LRRC4B: variants seen among roughly 807,000 people sequenced by gnomAD.
LRRC4B encodes the protein leucine rich repeat containing 4B.
In LRRC4B, 1 loss-of-function variant was observed where a neutral mutation model predicts 7.3. That is an observed-to-expected ratio of 0.14 (90% CI 0.05 to 0.65). LRRC4B has a LOEUF of 0.65. Ranked by LOEUF, LRRC4B falls within the 30% of genes least tolerant of loss-of-function variation. The pLI is 0.84. For missense variants in LRRC4B, 730 were observed against 1,041.6 expected (o/e 0.70, Z 4.12); for synonymous variants, 500 against 499.2 (o/e 1.00, Z -0.02).
Position 50,537,918 on chromosome 19 carries a change from C to T in LRRC4B, c.297+10624G>A, listed in dbSNP as rs1981359548. Among the ~76,000 whole-genome samples the T allele has an allele frequency of 2.0e-5, 3 of 152,160 alleles. No homozygotes were observed. The highest frequency in any genetic ancestry group is 1.3e-4 in the Admixed American group (2 of 15,274). ...CAGCCCGGGAACGGACGGCAGAGGG[C>T]GCACTGCTCCCTCCTATCCAGAGGA... is the stretch of plus-strand genomic sequence containing the variant. On this transcript the variant is annotated intron_variant, in intron 2 of 2. Transcript: ENST00000652263. This position sits in a 1 kb window ranked among gnomAD's most constrained non-coding sequence, Gnocchi z 5.5.
At chr19:50,567,336 G>A (rs1306102673) in intron 1 of LRRC4B, among the ~76,000 whole-genome samples, 1 of 151,758 alleles carries the variant, frequency 6.6e-6, no homozygotes, top group Non-Finnish European at 1.5e-5. Context: ...AGGGAGAAGG[G>A]CTGAAGACTG....
intron 1 of LRRC4B, chr19:50,557,509 C>T (rs1982317117): frequency 6.6e-6 from 1 of 152,232 alleles, no homozygotes; most frequent in Non-Finnish European, 1.5e-5. Flanking sequence ...GGGCCTGGCA[C>T]ACAGCAAGTG....
At position 50,548,956 on chromosome 19, in the gene LRRC4B, GC is replaced by G; in HGVS notation, c.-35-84del. The G allele has an allele frequency of 2.7e-6, 2 of 728,874 alleles. No individual in the cohort carries two copies. The highest frequency in any genetic ancestry group is 2.8e-5 in the East Asian group (1 of 35,538). 45.2% of individuals were successfully genotyped at this position (728,874 alleles called of 1,614,324 possible). A position where few individuals can be genotyped will look rare whatever the true frequency, so the allele number is the denominator to read the frequency against. On this transcript the variant is annotated intron_variant, in intron 1 of 2. Coordinates refer to ENST00000652263, the MANE Select transcript of LRRC4B (RefSeq NM_001080457.2). The surrounding 1 kb of genome is among the most constrained non-coding windows in gnomAD (Gnocchi z 6.8). ...CTGGGTGCTTGCCAACACCCAGGCA[GC>G]CCCATCGCCGCCTCCCTGCCCCATG...
At chr19:50,554,497 G>A (rs1912107102) in intron 1 of LRRC4B, among the ~76,000 whole-genome samples, 1 of 152,126 alleles carries the variant, frequency 6.6e-6, no homozygotes, top group Admixed American at 6.5e-5. Flanking sequence ...TACCACCTGC[G>A]TGAGCTACAC....
chr19:50,530,502 G>A (rs963131395), intron 2 of LRRC4B, among the ~76,000 whole-genome samples: 7 of 152,138 alleles, frequency 4.6e-5, no homozygotes, highest in Admixed American at 4.6e-4. Context: ...CTTGAACCCA[G>A]CCCAAAGGTC....
intron 2 of LRRC4B, among the ~76,000 whole-genome samples, chr19:50,545,624 G>A (rs976410177): frequency 2.0e-5 from 3 of 151,584 alleles, no homozygotes; most frequent in Non-Finnish European, 4.4e-5. Context: ...GAGCCAGGAA[G>A]GCATTAGAAC....
rs929138075 is a variant in LRRC4B at position 50,556,797 on chromosome 19, C to A, written c.-35-7924G>T. On this transcript the variant is annotated intron_variant, in intron 1 of 2. Transcript: ENST00000652263. This position sits in a 1 kb window ranked among gnomAD's most constrained non-coding sequence, Gnocchi z 4.2. ...CTCTGCTGGCACCCGAGGCAAGGAGCCCTGGGTCTCTAGGGAGGCAAGTGT... is the reference window on the plus strand; with the variant it reads ...CTCTGCTGGCACCCGAGGCAAGGAGACCTGGGTCTCTAGGGAGGCAAGTGT... Among the ~76,000 whole-genome samples, 2 of 152,124 alleles carry A rather than the reference C, an allele frequency of 1.3e-5. No homozygotes were observed. Among genetic ancestry groups the A allele is most frequent in the African/African-American group, 4.8e-5 (2 of 41,428 alleles).
rs936580936 is a variant in LRRC4B, at chr19:50,518,375, G to C, written c.1338C>G (p.Thr446=). ...CMVTNSAGNT[T]ASATLNVSAV... is the part of the protein sequence containing the mutation. ...CCGAGACGTTGAGCGTGGCCGAGGC[G>C]GTGGTGTTGCCGGCTGAGTTCGTCA... is the stretch of plus-strand genomic sequence containing the variant. The change falls in exon 3 of 3, where the codon ACC becomes ACG. Residue 446 remains threonine, a synonymous_variant. Coordinates refer to ENST00000652263, the MANE Select transcript of LRRC4B (RefSeq NM_001080457.2). 1 of 1,594,640 alleles carries C rather than the reference G, an allele frequency of 6.3e-7. No homozygotes were observed. Among genetic ancestry groups the C allele is most frequent in the Non-Finnish European group, 8.5e-7 (1 of 1,172,546 alleles).
At chr19:50,525,059 C>T (rs552777283) in intron 2 of LRRC4B, among the ~76,000 whole-genome samples, 31 of 152,256 alleles carry the variant, frequency 2.0e-4, no homozygotes, top group Non-Finnish European at 2.9e-4. Flanking sequence ...GCTCGGCCAC[C>T]TCACACCCAC....
In LRRC4B at chr19:50,518,517, G is replaced by C; in HGVS notation, c.1196C>G (p.Pro399Arg). Residue 399 changes from proline (P) to arginine (R), a missense_variant, in exon 3 of 3, where the codon CCC becomes CGC. Physicochemically the swap from Pro to Arg is moderately radical, Grantham distance 103. Transcript: ENST00000652263. ...TSMTSVNWLT[P>R]NGTLMTHGSY... The stretch of plus-strand genomic sequence containing the variant: ...GCCGTGGGTCATGAGGGTGCCGTTG[G>C]GCGTCAGCCAGTTGACGGAGGTCAT... The C allele has an allele frequency of 6.4e-7, 1 of 1,569,484 alleles. No individual in the cohort carries two copies. The highest frequency in any genetic ancestry group is 8.7e-7 in the Non-Finnish European group (1 of 1,155,688).
At chr19:50,561,968 A>AATAC (rs55885669) in intron 1 of LRRC4B, among the ~76,000 whole-genome samples, 1 of 125,186 alleles carries the variant, frequency 8.0e-6, no homozygotes, top group Non-Finnish European at 1.9e-5. Context: ...TAAATAAATA[A>AATAC]GCCAGGTGTA....
At chr19:50,542,099 C>T (rs1184479213) in intron 2 of LRRC4B, among the ~76,000 whole-genome samples, 1 of 152,178 alleles carries the variant, frequency 6.6e-6, no homozygotes, top group African/African-American at 2.4e-5. Flanking sequence ...CAAGAACACA[C>T]ACAAGCAAAA....
intron 2 of LRRC4B, among the ~76,000 whole-genome samples, chr19:50,528,686 G>C (rs796207450): frequency 3.5e-4 from 53 of 152,282 alleles, no homozygotes; most frequent in African/African-American, 1.3e-3. Flanking sequence ...TAACTTCCCA[G>C]AGTGAACATG....
chr19:50,556,279 A>AGT lies in LRRC4B; in HGVS notation c.-35-7408_-35-7407dup, dbSNP rs1408571526. On this transcript the variant is annotated intron_variant, in intron 1 of 2. Coordinates refer to ENST00000652263, the MANE Select transcript of LRRC4B (RefSeq NM_001080457.2). The surrounding 1 kb of genome is among the most constrained non-coding windows in gnomAD (Gnocchi z 4.2). ...TGCAGTCGGGGTGGGGGTGAGGTGCAGTGGGTGGGGGTGAGGTGGTGACTT... is the reference window on the plus strand; with the variant it reads ...TGCAGTCGGGGTGGGGGTGAGGTGCAGTGTGGGTGGGGGTGAGGTGGTGACTT... 1.9e-5 allele frequency among the ~76,000 whole-genome samples: 2 copies of AGT among 106,054 alleles called. No individual in the cohort carries two copies. Among genetic ancestry groups the AGT allele is most frequent in the Non-Finnish European group, 3.9e-5 (2 of 50,688 alleles). The allele number at this position is 106,054 out of a possible 152,430, so 69.6% of individuals were successfully genotyped here.
chr19:50,540,099 T>C (rs1040705780), intron 2 of LRRC4B, among the ~76,000 whole-genome samples: 1 of 152,156 alleles, frequency 6.6e-6, no homozygotes, highest in African/African-American at 2.4e-5. Flanking sequence ...AAGCTCAGTA[T>C]TACGTTTTGA....
At position 50,518,999 on chromosome 19, in the gene LRRC4B, G is replaced by A; in HGVS notation, c.714C>T (p.Gly238=). The part of the protein sequence containing the change: ...LVRLEELELS[G]NRLDLIRPGS... The stretch of plus-strand genomic sequence containing the variant: ...CCGGGCGGATCAGGTCCAGCCGGTT[G>A]CCCGACAGCTCCAGCTCCTCCAGGC... Residue 238 remains glycine (G), a synonymous_variant, in exon 3 of 3, where the codon GGC becomes GGT. Transcript: ENST00000652263. 6.2e-7 allele frequency: 1 copy of A among 1,612,564 alleles called. No individual in the cohort carries two copies. Among genetic ancestry groups the A allele is most frequent in the Non-Finnish European group, 8.5e-7 (1 of 1,179,746 alleles).
At chr19:50,554,406 A>G (rs993383229) in intron 1 of LRRC4B, among the ~76,000 whole-genome samples, 7 of 152,078 alleles carry the variant, frequency 4.6e-5, no homozygotes, top group African/African-American at 1.4e-4. Context: ...CCCAGATACT[A>G]CACCTCAGGT....
At chr19:50,566,543 G>A (rs958241693) in intron 1 of LRRC4B, among the ~76,000 whole-genome samples, 12 of 150,322 alleles carry the variant, frequency 8.0e-5, no homozygotes, top group Non-Finnish European at 1.6e-4. Context: ...GGAGGTCTGG[G>A]GAAGGAGATG....
rs149683851 is a variant in LRRC4B at position 50,552,328 on chromosome 19, C to T, written c.-35-3455G>A. 7.9e-4 allele frequency among the ~76,000 whole-genome samples: 120 copies of T among 152,192 alleles called. 1 individual carries two copies. The highest frequency in any genetic ancestry group is 2.6e-3 in the African/African-American group (106 of 41,514). ...ATGCCACACAGCCTTTACTCCAACC[C>T]TGATATACCACACCTGATATACCGG... On this transcript the variant is annotated intron_variant, in intron 1 of 2. Transcript: ENST00000652263.
Sources: gnomAD v4.1 joint callset for allele counts (sites outside exome capture counted in the v4.1 genomes callset) on GRCh38, gnomAD v4.1.1 for gene constraint, Gnocchi (gnomAD v3.1) non-coding constraint, MANE v1.5 for transcripts, NCBI Gene and HGNC (gene_info 2026-07-23, HGNC 2026-07-21) for gene names.